The following LPP variants were observed in gnomAD, a reference collection of about 807,000 sequenced individuals.
The protein encoded by LPP is LIM domain containing preferred translocation partner in lipoma, also known as lipoma-preferred partner.
Under a neutral mutation model 60.4 loss-of-function variants are expected in LPP, and 38 were observed. That is an observed-to-expected ratio of 0.63 (90% CI 0.49 to 0.83). The LOEUF is 0.83. LPP is among the 40% of genes least tolerant of loss of function. The probability of loss-of-function intolerance (pLI) is 0.00; values close to 1 mark genes in which losing one functional copy is unlikely to be tolerated. For missense variants in LPP, 902 were observed against 783.6 expected, an observed-to-expected ratio of 1.15 and a Z score of -1.80; for synonymous variants, 328 against 290.8, an observed-to-expected ratio of 1.13 and a Z score of -1.30.
At chr3:188,641,933 G>T (rs1850220494) in intron 7 of LPP, among the ~76,000 whole-genome samples, 1 of 152,150 alleles carries the variant, frequency 6.6e-6, no homozygotes, top group South Asian at 2.1e-4. Flanking sequence ...CTCTCCCGTG[G>T]CTGGTTACCG....
At chr3:188,229,928 A>G (rs1719236743) in intron 2 of LPP, among the ~76,000 whole-genome samples, 1 of 152,134 alleles carries the variant, frequency 6.6e-6, no homozygotes, top group East Asian at 1.9e-4. Flanking sequence ...CCTGGTTCAT[A>G]GAGTATGTGT....
chr3:188,371,638 TATA>T (rs1420984077), intron 3 of LPP, among the ~76,000 whole-genome samples: 7 of 36,320 alleles, frequency 1.9e-4, no homozygotes, highest in East Asian at 8.6e-4. Flanking sequence ...TATATATATA[TATA>T]TTTTTTTTTT....
In LPP at chr3:188,208,203, T is replaced by C. The variant is rs532740661; in HGVS notation, c.-189-17202T>C. On this transcript the variant is annotated intron_variant, in intron 1 of 11. Coordinates refer to ENST00000617246, the MANE Select transcript of LPP (RefSeq NM_001375462.1). ...GAGATGACTTGGCTCTTTTCAGGAA[T>C]TGAAGAGAATCCTGACAAGTGGCAT... is the stretch of plus-strand genomic sequence containing the variant. 12 of 152,290 alleles carry C rather than the reference T, an allele frequency of 7.9e-5. No homozygotes were observed. In the East Asian group the frequency reaches 1.7e-3, roughly 22 times the overall value. 9.4% of individuals were successfully genotyped at this position (152,290 alleles called of 1,614,324 possible).
At chr3:188,378,333 C>T (rs934228597) in intron 3 of LPP, among the ~76,000 whole-genome samples, 9 of 152,166 alleles carry the variant, frequency 5.9e-5, no homozygotes, top group African/African-American at 2.2e-4. Context: ...GGCAGGCCTC[C>T]TTGAGCTGTG....
chr3:188,658,966 A>T (rs931426707), intron 7 of LPP, among the ~76,000 whole-genome samples: 2 of 152,206 alleles, frequency 1.3e-5, no homozygotes, highest in African/African-American at 2.4e-5. Flanking sequence ...TGAAATAATG[A>T]TGGAGTGATT....
intron 2 of LPP, among the ~76,000 whole-genome samples, chr3:188,250,259 C>T (rs1728662201): frequency 6.6e-6 from 1 of 152,150 alleles, no homozygotes; most frequent in African/African-American, 2.4e-5. Context: ...CTTTTGTTCT[C>T]CCCCTTTACA....
At chr3:188,424,599 C>T (rs533930597) in intron 4 of LPP, among the ~76,000 whole-genome samples, 19 of 152,208 alleles carry the variant, frequency 1.2e-4, no homozygotes, top group African/African-American at 4.6e-4. Context: ...GAATGGTTTT[C>T]CATTTGTTTG....
At chr3:188,485,665 C>G (rs542684927) in intron 5 of LPP, among the ~76,000 whole-genome samples, 25 of 150,274 alleles carry the variant, frequency 1.7e-4, no homozygotes, top group Non-Finnish European at 3.4e-4. Flanking sequence ...GGCGTAGTGG[C>G]GGGCGCCTGT....
intron 3 of LPP, among the ~76,000 whole-genome samples, chr3:188,370,330 C>G (rs11715549): frequency 0.36 from 54,726 of 151,956 alleles, 11,069 homozygotes; most frequent in Middle Eastern, 0.61. Context: ...GCTGCACCGC[C>G]TACAAGTGGT....
At chr3:188,658,497 C>T (rs1377118866) in intron 7 of LPP, among the ~76,000 whole-genome samples, 2 of 152,102 alleles carry the variant, frequency 1.3e-5, no homozygotes, top group African/African-American at 4.8e-5. Context: ...ACATACCCTC[C>T]GTGCTTCTCC....
intron 3 of LPP, among the ~76,000 whole-genome samples, chr3:188,360,196 G>T (rs1203983605): frequency 6.6e-6 from 1 of 152,076 alleles, no homozygotes; most frequent in Non-Finnish European, 1.5e-5. Flanking sequence ...TTCAAACCCG[G>T]CCTGCATCGG....
At chr3:188,584,718 TTTC>T (rs1428559143) in intron 6 of LPP, among the ~76,000 whole-genome samples, 4 of 152,200 alleles carry the variant, frequency 2.6e-5, no homozygotes, top group Admixed American at 6.5e-5. Context: ...CTTGTCTCTC[TTTC>T]TTCTTCTTTT....
intron 2 of LPP, among the ~76,000 whole-genome samples, chr3:188,241,824 C>T (rs1724984618): frequency 6.6e-6 from 1 of 151,922 alleles, no homozygotes; most frequent in Non-Finnish European, 1.5e-5. Context: ...TTCCCTATAA[C>T]TTCAAAGAGT....
chr3:188,621,995 TA>T (rs1467970030), intron 7 of LPP, among the ~76,000 whole-genome samples: 2 of 152,266 alleles, frequency 1.3e-5, no homozygotes, highest in South Asian at 4.1e-4. Context: ...CTGAATGCTC[TA>T]AAAGTCAGGG....
chr3:188,445,415 C>T (rs1794992908), intron 4 of LPP, among the ~76,000 whole-genome samples: 7 of 152,098 alleles, frequency 4.6e-5, no homozygotes. Context: ...CGTATGTTCT[C>T]ACTCATAATT....
intron 1 of LPP, among the ~76,000 whole-genome samples, chr3:188,223,114 G>C (rs1027997814): frequency 1.2e-4 from 18 of 152,192 alleles, no homozygotes; most frequent in African/African-American, 4.3e-4. Flanking sequence ...CGGTGCTTCA[G>C]CTGTAAAGAG....
At chr3:188,362,833 G>A (rs1383018192) in intron 3 of LPP, among the ~76,000 whole-genome samples, 2 of 152,184 alleles carry the variant, frequency 1.3e-5, no homozygotes, top group Non-Finnish European at 2.9e-5. Flanking sequence ...TGGCCAGCAT[G>A]TCAGTAGCTT....
intron 9 of LPP, among the ~76,000 whole-genome samples, chr3:188,782,413 G>A (rs1022439295): frequency 6.6e-6 from 1 of 152,118 alleles, no homozygotes; most frequent in Admixed American, 6.5e-5. Flanking sequence ...AGTTTCTTTA[G>A]TTCTCTAAAG....
intron 1 of LPP, among the ~76,000 whole-genome samples, chr3:188,160,243 G>A (rs1717830974): frequency 6.6e-6 from 1 of 151,436 alleles, no homozygotes; most frequent in Non-Finnish European, 1.5e-5. Flanking sequence ...TGCCCAGGCT[G>A]TAGTGCAATG....
Sources: allele counts gnomAD v4.1 joint callset (sites outside exome capture counted in the v4.1 genomes callset), GRCh38; gene constraint gnomAD v4.1.1; transcripts MANE v1.5; gene names NCBI Gene and HGNC (gene_info 2026-07-23, HGNC 2026-07-21).